The following UPRT variants were observed in gnomAD, a reference collection of about 807,000 sequenced individuals.
UPRT encodes the protein RP11-311P8.3.
A neutral mutation model predicts 22.6 loss-of-function variants in UPRT; 5 were observed. The observed-to-expected ratio is 0.22, with a 90% confidence interval of 0.12 to 0.47. The LOEUF (loss-of-function observed/expected upper bound fraction) is 0.47. Among genes scored for constraint, UPRT ranks in the 20% least tolerant of loss-of-function variants. The probability of loss-of-function intolerance (pLI) is 0.99; values close to 1 mark genes in which losing one functional copy is unlikely to be tolerated. For missense variants in UPRT, 181 were observed against 239.9 expected, an observed-to-expected ratio of 0.75 and a Z score of 1.62; for synonymous variants, 77 against 87.7, an observed-to-expected ratio of 0.88 and a Z score of 0.68.
At chrX:75,233,043 A>C (rs960643976) in intron 4 of UPRT, among the ~76,000 whole-genome samples, 44 of 111,784 alleles carry the variant, frequency 3.9e-4, no homozygotes, top group Admixed American at 8.5e-4. Context: ...TTTGAAAAAA[A>C]TTAAGAAGAA....
At chrX:75,186,690 A>G (rs913826243) in intron 4 of UPRT, among the ~76,000 whole-genome samples, 2 of 111,953 alleles carry the variant, frequency 1.8e-5, no homozygotes, top group African/African-American at 6.5e-5. Context: ...GACTTGCTTT[A>G]TGAATCTGGC....
chrX:75,296,066 C>T (rs1435954005), intron 2 of UPRT, among the ~76,000 whole-genome samples: 1 of 111,765 alleles, frequency 8.9e-6, no homozygotes, highest in African/African-American at 3.2e-5. Context: ...TTTTGTGTCC[C>T]TCATAGTCTG....
At position 75,205,024 on chromosome X, in the gene UPRT, A is replaced by G. The variant is rs1433439641; in HGVS notation, c.-447+37145A>G. On this transcript the variant is annotated intron_variant, in intron 4 of 13. Transcript: ENST00000652605. ...GGATTAATGTGAAGAATGTGTGTGG[A>G]CTGCCTAGGGATGTGGGGAGGGAAT... is the stretch of plus-strand genomic sequence containing the variant. Among the ~76,000 whole-genome samples, 3 of 111,093 alleles carry G rather than the reference A, an allele frequency of 2.7e-5. No individual in the cohort carries two copies. In the East Asian group the frequency reaches 8.6e-4, roughly 32 times the overall value.
intron 4 of UPRT, 198 bp downstream of exon 4, chrX:75,297,751 G>A (rs775830004): frequency 1.5e-4 from 67 of 445,536 alleles, no homozygotes; most frequent in South Asian, 1.1e-3. Flanking sequence ...ACTACAGAGC[G>A]TATTCCCTAA....
chrX:75,279,321 C>A (rs184955948), intron 1 of UPRT, among the ~76,000 whole-genome samples: 1 of 111,335 alleles, frequency 9.0e-6, no homozygotes, highest in East Asian at 2.8e-4. Context: ...CTGTGACGTG[C>A]AAATTGTTTA....
intron 3 of UPRT, 127 bp from the exon 4 acceptor site, chrX:75,297,364 G>A: frequency 1.8e-6 from 1 of 546,989 alleles, no homozygotes; most frequent in African/African-American, 2.3e-5. Context: ...GGGAATCTCA[G>A]GCATTATACA....
In UPRT at chrX:75,289,254, G is replaced by A. The variant is rs1049482129; in HGVS notation, c.387-4218G>A. 1.3e-4 allele frequency among the ~76,000 whole-genome samples: 14 copies of A among 110,501 alleles called. No individual in the cohort carries two copies. In the Admixed American group the frequency reaches 1.4e-3, roughly 11 times the overall value. On this transcript the variant is annotated intron_variant, in intron 1 of 6. Coordinates refer to ENST00000373383, the MANE Select transcript of UPRT (RefSeq NM_145052.4). ...TACCTAGGAATACATCTAATCAAGG[G>A]GGCAAAAGATCTCTACAAAGAGATC...
chrX:75,241,265 A>G lies in UPRT; in HGVS notation c.-446-49759A>G, dbSNP rs1327498679. On this transcript the variant is annotated intron_variant, in intron 4 of 13. Coordinates refer to the UPRT transcript ENST00000652605. ...CAACTCCATCAAAAAGTGGGCTAAG[A>G]ACATGACTAGACAATTCCCAAAAGA... Among the ~76,000 whole-genome samples, 8 of 111,432 alleles carry G rather than the reference A, an allele frequency of 7.2e-5. 1 individual carries two copies. The highest frequency in any genetic ancestry group is 2.6e-4 in the African/African-American group (8 of 30,739).
intron 4 of UPRT, among the ~76,000 whole-genome samples, chrX:75,244,998 T>C (rs1278893877): frequency 9.9e-5 from 11 of 110,564 alleles, no homozygotes; most frequent in Non-Finnish European, 2.1e-4. Context: ...AACCACAGAA[T>C]GGGAGAAAGC....
intron 4 of UPRT, among the ~76,000 whole-genome samples, chrX:75,210,746 C>T (rs772976534): frequency 1.6e-4 from 17 of 109,621 alleles, no homozygotes; most frequent in Middle Eastern, 4.7e-3. Context: ...GGCATTTTTG[C>T]GGGTTTTTTG....
intron 4 of UPRT, among the ~76,000 whole-genome samples, chrX:75,198,144 A>G (rs1215243693): frequency 8.9e-6 from 1 of 112,914 alleles, no homozygotes; most frequent in Non-Finnish European, 1.9e-5. Flanking sequence ...TATTCACACA[A>G]TAAAATACTA....
chrX:75,298,205 T>A (rs1333688136), intron 4 of UPRT, among the ~76,000 whole-genome samples: 1 of 108,862 alleles, frequency 9.2e-6, no homozygotes, highest in Non-Finnish European at 1.9e-5. Context: ...TTGCCCAGGC[T>A]GGTCTAAAAC....
intron 4 of UPRT, among the ~76,000 whole-genome samples, chrX:75,247,887 C>T (rs1393432318): frequency 4.5e-5 from 5 of 111,723 alleles, no homozygotes; most frequent in African/African-American, 6.5e-5. Flanking sequence ...TCCAGAGGAA[C>T]GATCAGGCAG....
chrX:75,267,410 A>T, intron 4 of UPRT, among the ~76,000 whole-genome samples: 1 of 111,470 alleles, frequency 9.0e-6, no homozygotes. Context: ...GGAATATCAC[A>T]GTTCAAGGCC....
At chrX:75,227,341 T>C (rs777760671) in intron 4 of UPRT, among the ~76,000 whole-genome samples, 5 of 111,847 alleles carry the variant, frequency 4.5e-5, no homozygotes, top group Non-Finnish European at 9.4e-5. Flanking sequence ...GTTGTGGGCC[T>C]GGAGTCAAAG....
At chrX:75,188,722 C>A (rs1343234775) in intron 4 of UPRT, among the ~76,000 whole-genome samples, 1 of 112,751 alleles carries the variant, frequency 8.9e-6, no homozygotes, top group Non-Finnish European at 1.9e-5. Flanking sequence ...ACACAATCTC[C>A]TGGTGCCCCG....
intron 1 of UPRT, chrX:75,291,448 G>A: frequency 3.1e-6 from 1 of 322,015 alleles, no homozygotes; most frequent in Non-Finnish European, 6.0e-6. Flanking sequence ...TGTGTGGAAT[G>A]AAGAAGATCT....
Position 75,201,119 on chromosome X carries a change from C to T in UPRT, c.-447+33240C>T, listed in dbSNP as rs148157812. ...TTTGGAGCTAGGTCAGTCCATTTCACATCTTCTGACCTTTGTCTCCTGCAG... is the reference window on the plus strand; with the variant it reads ...TTTGGAGCTAGGTCAGTCCATTTCATATCTTCTGACCTTTGTCTCCTGCAG... On this transcript the variant is annotated intron_variant, in intron 4 of 13. Transcript: ENST00000652605. Among the ~76,000 whole-genome samples, 714 of 112,500 alleles carry T rather than the reference C, an allele frequency of 6.3e-3. 10 individuals carry two copies. The highest frequency in any genetic ancestry group is 0.022 in the African/African-American group (677 of 31,015).
At chrX:75,250,022 G>T (rs1227127916) in intron 4 of UPRT, among the ~76,000 whole-genome samples, 1 of 111,792 alleles carries the variant, frequency 8.9e-6, no homozygotes, top group Non-Finnish European at 1.9e-5. Flanking sequence ...AGAGAACAAA[G>T]ACACAACATA....
Sources: gnomAD v4.1 joint callset for allele counts (sites outside exome capture counted in the v4.1 genomes callset) on GRCh38, gnomAD v4.1.1 for gene constraint, MANE v1.5 for transcripts, NCBI Gene and HGNC (gene_info 2026-07-23, HGNC 2026-07-21) for gene names.